The following HS6ST3 variants were observed in gnomAD, a reference collection of about 807,000 sequenced individuals.
HS6ST3 encodes heparan sulfate 6-O-sulfotransferase 3.
Under a neutral mutation model 36.7 loss-of-function variants are expected in HS6ST3, and 12 were observed. The observed-to-expected ratio is 0.33, with a 90% CI of 0.21 to 0.53. The LOEUF is 0.53. Ranked by LOEUF, HS6ST3 falls within the 20% of genes least tolerant of loss-of-function variation. The probability of loss-of-function intolerance (pLI) is 0.95; values close to 1 mark genes in which losing one functional copy is unlikely to be tolerated. For synonymous variants in HS6ST3, 240 were observed against 257.5 expected (o/e 0.93, Z 0.65); for missense variants, 584 against 640.9 (o/e 0.91, Z 0.96).
At chr13:96,192,693 G>T (rs7983034) in intron 1 of HS6ST3, among the ~76,000 whole-genome samples, 1,690 of 151,938 alleles carry the variant, frequency 0.011, 30 homozygotes, top group African/African-American at 0.039. Context: ...TGACTTGGCT[G>T]TTGTGAACAG....
In HS6ST3 at chr13:96,498,975, G is replaced by A. The variant is rs145214801; in HGVS notation, c.708-333515G>A. 4.9e-3 allele frequency among the ~76,000 whole-genome samples: 743 copies of A among 151,798 alleles called. 7 individuals carry two copies. Among genetic ancestry groups the A allele is most frequent in the African/African-American group, 0.013 (523 of 41,384 alleles). On this transcript the variant is annotated intron_variant, in intron 1 of 1. Coordinates refer to ENST00000376705, the MANE Select transcript of HS6ST3 (RefSeq NM_153456.4). ...TTCTTATGAATTTTCTATCATTCAGGTCAGTATGCAACATTCGTGACAAAG... is the reference window on the plus strand; with the variant it reads ...TTCTTATGAATTTTCTATCATTCAGATCAGTATGCAACATTCGTGACAAAG...
chr13:96,167,917 G>A (rs973975927), intron 1 of HS6ST3, among the ~76,000 whole-genome samples: 3 of 152,160 alleles, frequency 2.0e-5, no homozygotes, highest in African/African-American at 7.2e-5. Flanking sequence ...AGATTTTTGT[G>A]CTGTGGGCTT....
intron 1 of HS6ST3, among the ~76,000 whole-genome samples, chr13:96,775,288 A>AACTGGCTAAC (rs1267023441): frequency 6.6e-6 from 1 of 152,158 alleles, no homozygotes; most frequent in Non-Finnish European, 1.5e-5. Context: ...TGGATAAAGT[A>AACTGGCTAAC]ACTGGCTAAC....
At chr13:96,312,187 C>T (rs1232116829) in intron 1 of HS6ST3, among the ~76,000 whole-genome samples, 1 of 152,128 alleles carries the variant, frequency 6.6e-6, no homozygotes, top group African/African-American at 2.4e-5. Flanking sequence ...CCACTTAACC[C>T]AATAGTATCC....
At chr13:96,353,506 T>C (rs73550662) in intron 1 of HS6ST3, among the ~76,000 whole-genome samples, 7,405 of 152,014 alleles carry the variant, frequency 0.049, 340 homozygotes, top group African/African-American at 0.12. Context: ...GAATAAAGGA[T>C]GAAAATATAA....
intron 1 of HS6ST3, among the ~76,000 whole-genome samples, chr13:96,428,808 A>C (rs1316867964): frequency 6.6e-6 from 1 of 152,136 alleles, no homozygotes; most frequent in Non-Finnish European, 1.5e-5. Context: ...AAATAGAAGC[A>C]GCTTCTTGGC....
At position 96,812,779 on chromosome 13, in the gene HS6ST3, A is replaced by G. The variant is rs185303333; in HGVS notation, c.708-19711A>G. On this transcript the variant is annotated intron_variant, in intron 1 of 1. Transcript: ENST00000376705. ...GAATTATTTTTGTATTTAAAAATCA[A>G]CACACACACACACACACACCCCTTA... Among the ~76,000 whole-genome samples, 80 of 103,762 alleles carry G rather than the reference A, an allele frequency of 7.7e-4. 1 individual carries two copies. The highest frequency in any genetic ancestry group is 5.3e-3 in the Middle Eastern group (1 of 190). 68.1% of individuals were successfully genotyped at this position (103,762 alleles called of 152,430 possible). A position where few individuals can be genotyped will look rare whatever the true frequency, so the allele number is the denominator to read the frequency against.
intron 1 of HS6ST3, among the ~76,000 whole-genome samples, chr13:96,112,578 AATAT>A (rs59107741): frequency 0.013 from 1,051 of 81,110 alleles, 122 homozygotes; most frequent in Middle Eastern, 0.03. Context: ...AAAATAAATA[AATAT>A]ATATATATAT....
At chr13:96,118,836 G>A (rs1243399712) in intron 1 of HS6ST3, among the ~76,000 whole-genome samples, 7 of 144,654 alleles carry the variant, frequency 4.8e-5, no homozygotes, top group African/African-American at 2.5e-5. Flanking sequence ...TCAGCCTCCC[G>A]AGTAGCTGGG....
At chr13:96,803,017 C>A (rs893188309) in intron 1 of HS6ST3, among the ~76,000 whole-genome samples, 4 of 152,132 alleles carry the variant, frequency 2.6e-5, no homozygotes, top group Non-Finnish European at 5.9e-5. Flanking sequence ...ATTATTCTAC[C>A]CTGACTCTTC....
chr13:96,401,614 G>A (rs373014434), intron 1 of HS6ST3, among the ~76,000 whole-genome samples: 20 of 152,238 alleles, frequency 1.3e-4, no homozygotes, highest in African/African-American at 3.4e-4. Flanking sequence ...TTGCTCTGTC[G>A]CCCAGGCTGG....
chr13:96,771,733 A>G (rs984282635), intron 1 of HS6ST3, among the ~76,000 whole-genome samples: 21 of 152,214 alleles, frequency 1.4e-4, no homozygotes, highest in African/African-American at 4.8e-4. Context: ...AGATCCTGAC[A>G]TGACTGCTTT....
At position 96,151,473 on chromosome 13, in the gene HS6ST3, C is replaced by A. The variant is rs115060097; in HGVS notation, c.707+59904C>A. On this transcript the variant is annotated intron_variant, in intron 1 of 1. Transcript: ENST00000376705. ...AAACAATGCAAGTTCCATTAAAAAACAATTACACCATGAAGTCTAGATGGA... is the reference window on the plus strand; with the variant it reads ...AAACAATGCAAGTTCCATTAAAAAAAAATTACACCATGAAGTCTAGATGGA... Among the ~76,000 whole-genome samples, 1,402 of 150,560 alleles carry A rather than the reference C, an allele frequency of 9.3e-3. 27 individuals are homozygous for A. The highest frequency in any genetic ancestry group is 0.033 in the African/African-American group (1,345 of 41,032).
chr13:96,482,661 A>G (rs2055895341), intron 1 of HS6ST3, among the ~76,000 whole-genome samples: 1 of 152,152 alleles, frequency 6.6e-6, no homozygotes, highest in East Asian at 1.9e-4. Flanking sequence ...AATTCCATCC[A>G]GCAATTGTCC....
At chr13:96,597,735 A>AT (rs201556537) in intron 1 of HS6ST3, among the ~76,000 whole-genome samples, 2,530 of 151,354 alleles carry the variant, frequency 0.017, 53 homozygotes, top group African/African-American at 0.045. Flanking sequence ...TTAAGTTATA[A>AT]TTTTTTTTGC....
At chr13:96,170,848 G>A (rs527381080) in intron 1 of HS6ST3, among the ~76,000 whole-genome samples, 12 of 152,250 alleles carry the variant, frequency 7.9e-5, no homozygotes, top group African/African-American at 1.4e-4. Flanking sequence ...GCACAGAAAC[G>A]TGGTGGAGGA....
chr13:96,691,434 G>A (rs920311134), intron 1 of HS6ST3, among the ~76,000 whole-genome samples: 3 of 152,054 alleles, frequency 2.0e-5, no homozygotes, highest in African/African-American at 2.4e-5. Context: ...AGAAAGATGG[G>A]ACAATCAGTT....
At chr13:96,629,713 A>G (rs2139000057) in intron 1 of HS6ST3, among the ~76,000 whole-genome samples, 1 of 151,718 alleles carries the variant, frequency 6.6e-6, no homozygotes, top group South Asian at 2.1e-4. Context: ...CTAGGTGTGG[A>G]TTTCTTTTTA....
intron 1 of HS6ST3, among the ~76,000 whole-genome samples, chr13:96,274,069 G>T (rs866108019): frequency 1.0e-4 from 15 of 149,400 alleles, no homozygotes; most frequent in South Asian, 6.6e-4. Flanking sequence ...TTTCAGACAG[G>T]GTTTTGCTCT....
Sources: allele counts gnomAD v4.1 joint callset (sites outside exome capture counted in the v4.1 genomes callset), GRCh38; gene constraint gnomAD v4.1.1; transcripts MANE v1.5; gene names NCBI Gene and HGNC (gene_info 2026-07-23, HGNC 2026-07-21).